The following ADAM19 variants were observed in gnomAD, a reference collection of about 807,000 sequenced individuals.
ADAM19 encodes the protein ADAM metallopeptidase domain 19, also known as disintegrin and metalloproteinase domain-containing protein 19.
A neutral mutation model predicts 114.7 loss-of-function variants in ADAM19; 65 were observed. The ratio of observed to expected loss-of-function variants is 0.57; its 90% CI spans 0.46 to 0.70. ADAM19 has a LOEUF of 0.70. Ranked by LOEUF, ADAM19 falls within the 30% of genes least tolerant of loss-of-function variation. ADAM19 has a pLI of 0.00. For synonymous variants in ADAM19, 466 were observed against 460.5 expected, an observed-to-expected ratio of 1.01 and a Z score of -0.15; for missense variants, 1,063 against 1,204.7, an observed-to-expected ratio of 0.88 and a Z score of 1.74.
At chr5:157,483,849 A>C (rs1000567598) in intron 21 of ADAM19, among the ~76,000 whole-genome samples, 1 of 151,804 alleles carries the variant, frequency 6.6e-6, no homozygotes, top group Admixed American at 6.6e-5. Context: ...GGTCAGGCCA[A>C]TCTCGAACTC....
At chr5:157,519,816 G>A (rs749290336) in intron 6 of ADAM19, 23 bp downstream of exon 6, 1 of 1,592,750 alleles carries the variant, frequency 6.3e-7, no homozygotes, top group Non-Finnish European at 8.6e-7. Context: ...GTTGATTTCT[G>A]CACTGAGAGC....
chr5:157,530,957 C>A, intron 4 of ADAM19, 74 bp from the exon 5 acceptor site: 1 of 1,295,488 alleles, frequency 7.7e-7, no homozygotes, highest in South Asian at 1.2e-5. Context: ...TCAGGATGGT[C>A]ATGGATGACT....
At chr5:157,555,390 GGCAGACAGA>G (rs1757339086) in intron 3 of ADAM19, among the ~76,000 whole-genome samples, 1 of 152,140 alleles carries the variant, frequency 6.6e-6, no homozygotes, top group Non-Finnish European at 1.5e-5. Context: ...GTTCCCTAAG[GGCAGACAGA>G]GCATCAGAGA....
intron 13 of ADAM19, 79 bp downstream of exon 13, chr5:157,499,494 A>G (rs1425206912): frequency 6.3e-6 from 8 of 1,275,466 alleles, no homozygotes; most frequent in Non-Finnish European, 9.0e-6. Context: ...GCAAATCCCC[A>G]GCCATCCACC....
At chr5:157,530,379 T>C (rs1358776412) in intron 5 of ADAM19, among the ~76,000 whole-genome samples, 7 of 152,282 alleles carry the variant, frequency 4.6e-5, no homozygotes, top group Admixed American at 3.3e-4. Flanking sequence ...GCCTCGCCCA[T>C]TCCTTCCCGC....
intron 16 of ADAM19, among the ~76,000 whole-genome samples, chr5:157,492,568 A>G (rs923433770): frequency 6.6e-5 from 10 of 152,204 alleles, no homozygotes; most frequent in African/African-American, 2.4e-4. Context: ...ATATTTAAAA[A>G]TAATGATGGT....
intron 19 of ADAM19, 107 bp from the exon 20 acceptor site, chr5:157,489,293 C>T (rs1443896174): frequency 2.6e-6 from 2 of 784,004 alleles, no homozygotes; most frequent in Non-Finnish European, 4.4e-6. Context: ...CTAAATCTTT[C>T]CCAAGTCTGC....
At chr5:157,541,144 C>A (rs1756907681) in intron 3 of ADAM19, among the ~76,000 whole-genome samples, 1 of 152,158 alleles carries the variant, frequency 6.6e-6, no homozygotes, top group South Asian at 2.1e-4. Flanking sequence ...GGCACATGGT[C>A]ACTGAGCAGC....
intron 14 of ADAM19, among the ~76,000 whole-genome samples, chr5:157,495,796 G>C (rs1231467102): frequency 6.6e-6 from 1 of 151,978 alleles, no homozygotes; most frequent in Non-Finnish European, 1.5e-5. Context: ...ACCACGCCTG[G>C]CTAATTTTTG....
Position 157,534,361 on chromosome 5 carries a change from G to A in ADAM19, c.331-3478C>T, listed in dbSNP as rs192886846. On this transcript the variant is annotated intron_variant, in intron 4 of 22. Transcript: ENST00000257527. The stretch of plus-strand genomic sequence containing the variant: ...CGGGCACTTGTAATCCCAGATACTC[G>A]GAAGGCTGAGGCATGAGAACTGCTT... Among the ~76,000 whole-genome samples the A allele has an allele frequency of 1.6e-3, 239 of 152,168 alleles. 2 individuals carry two copies. Among genetic ancestry groups the A allele is most frequent in the Non-Finnish European group, 2.6e-3 (177 of 68,010 alleles).
chr5:157,519,988 G>T lies in ADAM19; in HGVS notation c.451C>A (p.Pro151Thr). The part of the protein sequence containing the change: ...VSSNLSYVIE[P>T]LPDSKGQHLI... The stretch of plus-strand genomic sequence containing the variant: ...TGTTGGCCCTTGCTGTCAGGGAGGG[G>T]CTCGATGACGTAGCTGAGGTTGCTG... The change falls in exon 6 of 23, where the codon CCC becomes ACC. Residue 151 changes from proline to threonine, a missense_variant. Transcript: ENST00000257527. 6.2e-7 allele frequency: 1 copy of T among 1,614,122 alleles called. No individual in the cohort carries two copies.
At chr5:157,541,617 C>T (rs1756920807) in intron 3 of ADAM19, among the ~76,000 whole-genome samples, 1 of 152,164 alleles carries the variant, frequency 6.6e-6, no homozygotes, top group Non-Finnish European at 1.5e-5. Context: ...CATTAGGTCA[C>T]TCTCTAGGGA....
Position 157,494,809 on chromosome 5 carries a change from C to A in ADAM19, c.1595-14G>T. The A allele has an allele frequency of 1.2e-6, 2 of 1,607,110 alleles. No individual in the cohort carries two copies. The highest frequency in any genetic ancestry group is 1.3e-5 in the African/African-American group (1 of 74,838). ...CAGGTCGGGCTCCTGGGTGGGCAAG[C>A]AACATCTATCAGTATACTCATCTGT... On this transcript the variant is annotated splice_polypyrimidine_tract_variant and intron_variant, in intron 14 of 22. Coordinates refer to ENST00000257527, the MANE Select transcript of ADAM19 (RefSeq NM_033274.5).
chr5:157,524,413 A>C (rs1756396080), intron 5 of ADAM19, among the ~76,000 whole-genome samples: 1 of 152,354 alleles, frequency 6.6e-6, no homozygotes, highest in African/African-American at 2.4e-5. Flanking sequence ...CAGGCCAGGC[A>C]GGCACCAAGC....
At chr5:157,549,841 G>C (rs958077743) in intron 3 of ADAM19, among the ~76,000 whole-genome samples, 2 of 152,110 alleles carry the variant, frequency 1.3e-5, no homozygotes, top group African/African-American at 2.4e-5. Context: ...AAATTAGCTC[G>C]AGCTTAAAAG....
intron 11 of ADAM19, among the ~76,000 whole-genome samples, chr5:157,504,992 G>C (rs929994796): frequency 1.3e-5 from 2 of 151,734 alleles, no homozygotes; most frequent in African/African-American, 2.4e-5. Context: ...GGTGGCAGGC[G>C]CCTGTATTCC....
intron 5 of ADAM19, among the ~76,000 whole-genome samples, chr5:157,525,484 AC>A (rs1756426966): frequency 6.6e-6 from 1 of 152,160 alleles, no homozygotes; most frequent in South Asian, 2.1e-4. Context: ...GCCCAAGCTC[AC>A]CTAGCCAGTT....
chr5:157,549,048 G>A (rs111861147), intron 3 of ADAM19, among the ~76,000 whole-genome samples: 141 of 152,224 alleles, frequency 9.3e-4, no homozygotes, highest in African/African-American at 3.2e-3. Flanking sequence ...CCAATCCATG[G>A]GCTCCATCCA....
At chr5:157,512,173 T>C (rs1254352218) in intron 8 of ADAM19, among the ~76,000 whole-genome samples, 1 of 152,216 alleles carries the variant, frequency 6.6e-6, no homozygotes, top group African/African-American at 2.4e-5. Context: ...CCCTAGAGTC[T>C]GTCCTTCCAG....
Sources: gnomAD v4.1 joint callset for allele counts (sites outside exome capture counted in the v4.1 genomes callset) on GRCh38, gnomAD v4.1.1 for gene constraint, MANE v1.5 for transcripts, NCBI Gene and HGNC (gene_info 2026-07-23, HGNC 2026-07-21) for gene names.